The following KCNB2 variants were observed in gnomAD, a reference collection of about 807,000 sequenced individuals.
KCNB2 encodes delayed rectifier potassium channel protein.
KCNB2 carries 15 observed loss-of-function variants against 61.5 expected under a neutral mutation model. That is an observed-to-expected ratio of 0.24 (90% CI 0.16 to 0.38). The LOEUF (loss-of-function observed/expected upper bound fraction) is 0.38, where lower values mean the gene tolerates loss of function less well. Ranked by LOEUF, KCNB2 falls within the 10% of genes least tolerant of loss-of-function variation. The pLI is 1.00. For synonymous variants in KCNB2, 457 were observed against 446.0 expected (o/e 1.02, Z -0.31); for missense variants, 828 against 1,125.2 (o/e 0.74, Z 3.78).
At chr8:72,896,759 A>G (rs1342830639) in intron 2 of KCNB2, among the ~76,000 whole-genome samples, 1 of 152,120 alleles carries the variant, frequency 6.6e-6, no homozygotes, top group African/African-American at 2.4e-5. Flanking sequence ...ATTTTCATAT[A>G]CCATCTTAAT....
At chr8:72,811,581 A>G (rs1809306663) in intron 2 of KCNB2, among the ~76,000 whole-genome samples, 1 of 152,054 alleles carries the variant, frequency 6.6e-6, no homozygotes, top group South Asian at 2.1e-4. Context: ...GTCTTACTGA[A>G]TTCTCTCATT....
intron 2 of KCNB2, among the ~76,000 whole-genome samples, chr8:72,821,843 G>A (rs1809517261): frequency 6.6e-6 from 1 of 151,966 alleles, no homozygotes; most frequent in South Asian, 2.1e-4. Context: ...GGGAGGGAAG[G>A]ACGGAGACAG....
intron 2 of KCNB2, among the ~76,000 whole-genome samples, chr8:72,822,034 A>G (rs1326838754): frequency 6.6e-6 from 1 of 152,140 alleles, no homozygotes; most frequent in Non-Finnish European, 1.5e-5. Context: ...ATCCCGTGCT[A>G]CTTGCAACTG....
At chr8:72,691,449 T>A (rs1320691441) in intron 2 of KCNB2, among the ~76,000 whole-genome samples, 1 of 152,226 alleles carries the variant, frequency 6.6e-6, no homozygotes, top group African/African-American at 2.4e-5. Flanking sequence ...TCTCAGAAGG[T>A]CTAAGTCTTA....
intron 2 of KCNB2, among the ~76,000 whole-genome samples, chr8:72,908,464 G>GT (rs1213328480): frequency 1.3e-5 from 2 of 152,144 alleles, no homozygotes; most frequent in African/African-American, 4.8e-5. Flanking sequence ...ATACTGCTCA[G>GT]TTAATTGGTG....
intron 2 of KCNB2, among the ~76,000 whole-genome samples, chr8:72,854,309 A>C (rs1810169092): frequency 6.6e-6 from 1 of 152,180 alleles, no homozygotes; most frequent in Non-Finnish European, 1.5e-5. Flanking sequence ...GAGATAATAC[A>C]CAGGTATCAG....
intron 2 of KCNB2, chr8:72,875,349 G>C (rs1269116145): frequency 6.6e-6 from 1 of 152,262 alleles, no homozygotes; most frequent in Non-Finnish European, 1.5e-5. Flanking sequence ...AACCACCTGG[G>C]AGCCATAGCA....
chr8:72,937,822 G>A lies in KCNB2; in HGVS notation c.2467G>A (p.Glu823Lys). ...CTTCTTAGAGCTCCCAGGGGCAAGGGAGGAGAAGCAGGTGGACTCCAGCCC... is the reference window on the plus strand; with the variant it reads ...CTTCTTAGAGCTCCCAGGGGCAAGGAAGGAGAAGCAGGTGGACTCCAGCCC... ...EDFLELPGAR[E>K]EKQVDSSPNC... is the part of the protein sequence containing the mutation. The change falls in exon 3 of 3, where the codon GAG becomes AAG. Residue 823 changes from glutamate to lysine, a missense_variant. Glu to Lys is a moderately conservative substitution (Grantham distance 56). Coordinates refer to ENST00000523207, the MANE Select transcript of KCNB2 (RefSeq NM_004770.3). 5 of 1,614,070 alleles carry A rather than the reference G, an allele frequency of 3.1e-6. No homozygotes were observed. Among genetic ancestry groups the A allele is most frequent in the Non-Finnish European group, 4.2e-6 (5 of 1,180,016 alleles).
At chr8:72,622,981 T>C (rs1261792533) in intron 2 of KCNB2, among the ~76,000 whole-genome samples, 1 of 152,136 alleles carries the variant, frequency 6.6e-6, no homozygotes, top group Non-Finnish European at 1.5e-5. Flanking sequence ...TCTCTATCTG[T>C]AAAACAAGGG....
intron 2 of KCNB2, among the ~76,000 whole-genome samples, chr8:72,589,610 C>A (rs58518007): frequency 0.044 from 6,676 of 152,254 alleles, 195 homozygotes; most frequent in African/African-American, 0.084. Context: ...AAAAGCATGT[C>A]TAATTATCTA....
intron 1 of KCNB2, among the ~76,000 whole-genome samples, chr8:72,565,494 C>T (rs1341506242): frequency 6.6e-6 from 1 of 152,088 alleles, no homozygotes; most frequent in Non-Finnish European, 1.5e-5. Flanking sequence ...TTGCTTGAAG[C>T]TCTATGATTT....
At chr8:72,616,139 G>C (rs545260703) in intron 2 of KCNB2, among the ~76,000 whole-genome samples, 66 of 152,286 alleles carry the variant, frequency 4.3e-4, no homozygotes, top group African/African-American at 1.6e-3. Context: ...TAGGTTTTAA[G>C]TCGAAGGATT....
At chr8:72,921,921 T>C (rs546177230) in intron 2 of KCNB2, among the ~76,000 whole-genome samples, 60 of 152,338 alleles carry the variant, frequency 3.9e-4, no homozygotes, top group African/African-American at 1.4e-3. Flanking sequence ...AAGGAATGTA[T>C]GAAATGGCTC....
At chr8:72,734,647 G>A (rs1807807911) in intron 2 of KCNB2, among the ~76,000 whole-genome samples, 1 of 152,094 alleles carries the variant, frequency 6.6e-6, no homozygotes, top group Non-Finnish European at 1.5e-5. Context: ...AGCTGAATGA[G>A]GCTCATTGCC....
intron 2 of KCNB2, among the ~76,000 whole-genome samples, chr8:72,746,337 T>TGAGA (rs113779848): frequency 0.7 from 106,230 of 151,640 alleles, 38,555 homozygotes; most frequent in African/African-American, 0.9. Context: ...TGAAAAGTGG[T>TGAGA]GAAAGGCAAC....
At chr8:72,561,745 ATGT>A in intron 1 of KCNB2, among the ~76,000 whole-genome samples, 1 of 30,780 alleles carries the variant, frequency 3.2e-5, no homozygotes, top group South Asian at 8.6e-4. Context: ...CTATATATAT[ATGT>A]ATATATATAT....
intron 2 of KCNB2, among the ~76,000 whole-genome samples, chr8:72,714,542 T>C (rs898153092): frequency 4.6e-5 from 7 of 152,066 alleles, no homozygotes; most frequent in African/African-American, 1.7e-4. Context: ...AACCCAGAAT[T>C]TCATATCCAG....
chr8:72,598,378 AG>A (rs748380420), intron 2 of KCNB2, among the ~76,000 whole-genome samples: 54 of 152,238 alleles, frequency 3.5e-4, no homozygotes, highest in Non-Finnish European at 7.3e-4. Flanking sequence ...GATGCAGAAA[AG>A]GCCTTTGAAA....
At chr8:72,609,862 C>T (rs1805509623) in intron 2 of KCNB2, among the ~76,000 whole-genome samples, 1 of 152,182 alleles carries the variant, frequency 6.6e-6, no homozygotes, top group Non-Finnish European at 1.5e-5. Context: ...TGCTGCCACA[C>T]TGCGCAGACC....
Sources: allele counts gnomAD v4.1 joint callset (sites outside exome capture counted in the v4.1 genomes callset), GRCh38; gene constraint gnomAD v4.1.1; transcripts MANE v1.5; gene names NCBI Gene and HGNC (gene_info 2026-07-23, HGNC 2026-07-21).